Variants in SLC6A15 observed in about 807,000 individuals in gnomAD.
The protein encoded by SLC6A15 is sodium-dependent neutral amino acid transporter B(0)AT2.
A neutral mutation model predicts 68.5 loss-of-function variants in SLC6A15; 33 were observed. That is an observed-to-expected ratio of 0.48 (90% confidence interval 0.37 to 0.64). The LOEUF is 0.64. Among genes scored for constraint, SLC6A15 ranks in the 30% least tolerant of loss-of-function variants. The pLI is 0.00. For synonymous variants in SLC6A15, 347 were observed against 301.0 expected (o/e 1.15, Z -1.58); for missense variants, 747 against 874.3 (o/e 0.85, Z 1.84).
Position 84,873,249 on chromosome 12 carries a change from C to T in SLC6A15, c.947G>A (p.Gly316Asp). 6.2e-7 allele frequency: 1 copy of T among 1,614,060 alleles called. No homozygotes were observed. The highest frequency in any genetic ancestry group is 8.5e-7 in the Non-Finnish European group (1 of 1,179,968). ...VFFALGLGFGGVIAFSSYNKR... is the reference protein window; with the variant it reads ...VFFALGLGFGDVIAFSSYNKR... ...GTTGTAGCTTGAAAAGGCAATGACA[C>T]CACCAAATCCCAGACCTAAGGCAAA... Residue 316 changes from glycine to aspartate, a missense_variant, in exon 7 of 12, where the codon GGT (glycine) becomes GAT (aspartate). By Grantham distance (94) the Gly-to-Asp change is moderately conservative (BLOSUM62 -1). Transcript: ENST00000266682.
At chr12:84,910,346 A>T (rs1323019238) in intron 1 of SLC6A15, among the ~76,000 whole-genome samples, 1 of 152,214 alleles carries the variant, frequency 6.6e-6, no homozygotes, top group East Asian at 1.9e-4. Context: ...TGGTTAATAA[A>T]TTCCATTTTA....
chr12:84,884,455 G>T (rs959962412), intron 4 of SLC6A15, among the ~76,000 whole-genome samples: 6 of 151,694 alleles, frequency 4.0e-5, no homozygotes, highest in Non-Finnish European at 5.9e-5. Flanking sequence ...ATAGACACCC[G>T]CCACCAAACC....
intron 9 of SLC6A15, among the ~76,000 whole-genome samples, chr12:84,869,144 T>C (rs1175948429): frequency 3.9e-5 from 6 of 152,108 alleles, no homozygotes; most frequent in African/African-American, 1.2e-4. Context: ...TATTTAGACA[T>C]ATATTATTAG....
chr12:84,902,313 C>G (rs1263464110), intron 1 of SLC6A15, among the ~76,000 whole-genome samples: 1 of 151,802 alleles, frequency 6.6e-6, no homozygotes, highest in African/African-American at 2.4e-5. Context: ...ACAAATAACA[C>G]ACCTATCAGA....
chr12:84,888,107 A>T (rs376794615), intron 2 of SLC6A15, among the ~76,000 whole-genome samples: 1 of 151,508 alleles, frequency 6.6e-6, no homozygotes. Flanking sequence ...AGGAAAAAAA[A>T]AAACAGCTGA....
chr12:84,891,155 A>T (rs1242811239), intron 2 of SLC6A15, among the ~76,000 whole-genome samples: 1 of 152,212 alleles, frequency 6.6e-6, no homozygotes, highest in Non-Finnish European at 1.5e-5. Context: ...AATAGCAAGA[A>T]TAGCAATGAT....
chr12:84,875,699 T>TATATATATATATA (rs1565723353), intron 6 of SLC6A15, among the ~76,000 whole-genome samples: 2 of 13,954 alleles, frequency 1.4e-4, no homozygotes, highest in Non-Finnish European at 2.3e-4. Flanking sequence ...TATATATATA[T>TATATATATATATA]GAGAATCAAA....
intron 5 of SLC6A15, chr12:84,881,297 T>C (rs1433472463): frequency 7.8e-6 from 2 of 256,134 alleles, no homozygotes; most frequent in African/African-American, 2.3e-5. Context: ...AGTTTGATTC[T>C]TGAAAGGCCT....
chr12:84,872,681 T>A lies in SLC6A15; in HGVS notation c.1223A>T (p.Asp408Val). The A allele has an allele frequency of 6.2e-7, 1 of 1,612,772 alleles. No homozygotes were observed. Among genetic ancestry groups the A allele is most frequent in the Non-Finnish European group, 8.5e-7 (1 of 1,179,454 alleles). Residue 408 changes from aspartate (D) to valine (V), a missense_variant, in exon 8 of 12, where the codon GAC becomes GTC. Transcript: ENST00000266682. The stretch of plus-strand genomic sequence containing the variant: ...TTCTTCTTTCACTTTTTGAATGATG[T>A]CATAAACTAAATGATAATCTTCTGC... ...VTAEDYHLVY[D>V]IIQKVKEEEF... is the part of the protein sequence containing the mutation.
intron 5 of SLC6A15, chr12:84,883,036 A>C (rs1871896367): frequency 1.0e-6 from 1 of 985,146 alleles, no homozygotes; most frequent in Non-Finnish European, 1.2e-6. Flanking sequence ...TTATACTTTG[A>C]AAAGGAAAAT....
intron 6 of SLC6A15, chr12:84,874,451 T>C (rs1316551376): frequency 6.6e-6 from 1 of 152,196 alleles, no homozygotes; most frequent in Non-Finnish European, 1.5e-5. Context: ...TTGTTGCCAC[T>C]ATTAACTGAT....
chr12:84,910,928 C>CGCGTGTGTGTGTGTGTGTGTGT (rs1555183729), intron 1 of SLC6A15, among the ~76,000 whole-genome samples: 3 of 143,452 alleles, frequency 2.1e-5, no homozygotes, highest in African/African-American at 8.5e-5. Flanking sequence ...GCCCTCTTTC[C>CGCGTGTGTGTGTGTGTGTGTGT]GTGTGTGTGT....
At chr12:84,877,952 G>A (rs1472202372) in intron 5 of SLC6A15, among the ~76,000 whole-genome samples, 1 of 152,144 alleles carries the variant, frequency 6.6e-6, no homozygotes, top group Admixed American at 6.5e-5. Flanking sequence ...TCTATCATAT[G>A]TATCTGTGGA....
intron 1 of SLC6A15, among the ~76,000 whole-genome samples, chr12:84,895,564 G>A (rs1187560722): frequency 1.3e-5 from 2 of 151,542 alleles, no homozygotes; most frequent in Non-Finnish European, 2.9e-5. Context: ...GGTCAGGCTG[G>A]TCTTGAACTC....
chr12:84,874,697 T>C (rs771168737), intron 6 of SLC6A15, among the ~76,000 whole-genome samples: 2 of 152,190 alleles, frequency 1.3e-5, no homozygotes, highest in Non-Finnish European at 2.9e-5. Flanking sequence ...TGCTACATCA[T>C]ATTCTATTAA....
At chr12:84,908,290 C>A (rs1400705441) in intron 1 of SLC6A15, among the ~76,000 whole-genome samples, 2 of 151,932 alleles carry the variant, frequency 1.3e-5, no homozygotes, top group Non-Finnish European at 2.9e-5. Context: ...TAAAATTATG[C>A]CTTTTTTGCT....
At chr12:84,911,478 G>A (rs1873457795) in intron 1 of SLC6A15, among the ~76,000 whole-genome samples, 1 of 152,168 alleles carries the variant, frequency 6.6e-6, no homozygotes, top group African/African-American at 2.4e-5. Context: ...TTCCCAGCTA[G>A]GGAGGAGGAT....
Position 84,860,484 on chromosome 12 carries a change from C to T in SLC6A15, c.*1148G>A, listed in dbSNP as rs542617005. On this transcript the variant is annotated 3_prime_UTR_variant, in exon 12 of 12. Transcript: ENST00000266682. ...ATAAGAACACCATTGAACCATAATA[C>T]TCTATTTTTCCTTAGACTCTGAAGC... 2 of 152,168 alleles carry T rather than the reference C, an allele frequency of 1.3e-5. No homozygotes were observed. The highest frequency in any genetic ancestry group is 4.1e-4 in the South Asian group (2 of 4,826). The allele number at this position is 152,168 out of a possible 1,614,324, so 9.4% of individuals were successfully genotyped here.
chr12:84,873,842 A>G (rs759783896), intron 6 of SLC6A15, among the ~76,000 whole-genome samples: 7 of 152,218 alleles, frequency 4.6e-5, no homozygotes, highest in Non-Finnish European at 8.8e-5. Flanking sequence ...TTCTTCATTC[A>G]TTCAAAAGTC....
Sources: gnomAD v4.1 joint callset for allele counts (sites outside exome capture counted in the v4.1 genomes callset) on GRCh38, gnomAD v4.1.1 for gene constraint, MANE v1.5 for transcripts, NCBI Gene and HGNC (gene_info 2026-07-23, HGNC 2026-07-21) for gene names.